The following PPP2R5C variants were observed in gnomAD, a reference collection of about 807,000 sequenced individuals.
PPP2R5C encodes protein phosphatase 2 regulatory subunit B'gamma, also known as serine/threonine-protein phosphatase 2A 56 kDa regulatory subunit gamma isoform.
Under a neutral mutation model 68.9 loss-of-function variants are expected in PPP2R5C, and 7 were observed. That is an observed-to-expected ratio of 0.10 (90% CI 0.06 to 0.19). PPP2R5C has a LOEUF of 0.19. Ranked by LOEUF, PPP2R5C falls within the 10% of genes least tolerant of loss-of-function variation. The pLI, the probability that PPP2R5C is intolerant of heterozygous loss-of-function variation, is 1.00. For missense variants in PPP2R5C, 348 were observed against 641.3 expected (o/e 0.54, Z 4.94); for synonymous variants, 210 against 222.2 (o/e 0.95, Z 0.49).
chr14:101,907,840 G>A (rs1009520346), intron 10 of PPP2R5C, among the ~76,000 whole-genome samples: 3 of 152,218 alleles, frequency 2.0e-5, no homozygotes, highest in Admixed American at 6.5e-5. Flanking sequence ...GCTGCAGGTG[G>A]CACTGCCTCC....
At chr14:101,884,524 G>T (rs2044362694) in intron 5 of PPP2R5C, among the ~76,000 whole-genome samples, 1 of 152,236 alleles carries the variant, frequency 6.6e-6, no homozygotes, top group African/African-American at 2.4e-5. Context: ...GAAAGCCTGA[G>T]ATCTGTGCAC....
Position 101,915,223 on chromosome 14 carries a change from A to G in PPP2R5C, c.1327-2608A>G, listed in dbSNP as rs1039480400. ...AGCCTCCCAAGTATGCTGGGACTACAGGTGCACGCCACCATGCCTGGCTAA... is the reference window on the plus strand; with the variant it reads ...AGCCTCCCAAGTATGCTGGGACTACGGGTGCACGCCACCATGCCTGGCTAA... On this transcript the variant is annotated intron_variant, in intron 12 of 13. Transcript: ENST00000334743. This position sits in a 1 kb window ranked among gnomAD's most constrained non-coding sequence, Gnocchi z 4.2. Among the ~76,000 whole-genome samples the G allele has an allele frequency of 6.6e-6, 1 of 152,146 alleles. No homozygotes were observed. Among genetic ancestry groups the G allele is most frequent in the Non-Finnish European group, 1.5e-5 (1 of 68,018 alleles).
At chr14:101,868,510 G>T (rs1436623159) in intron 2 of PPP2R5C, among the ~76,000 whole-genome samples, 1 of 152,094 alleles carries the variant, frequency 6.6e-6, no homozygotes, top group African/African-American at 2.4e-5. Flanking sequence ...AGAAACTTTT[G>T]GGATGATGAG....
chr14:101,805,751 A>G (rs1441665192), upstream of PPP2R5C, among the ~76,000 whole-genome samples: 3 of 152,258 alleles, frequency 2.0e-5, no homozygotes, highest in Non-Finnish European at 4.4e-5. Flanking sequence ...GGCACTTGCT[A>G]CAACATGGAT....
chr14:101,867,190 C>A (rs941950944), intron 2 of PPP2R5C, among the ~76,000 whole-genome samples: 4 of 151,486 alleles, frequency 2.6e-5, no homozygotes, highest in African/African-American at 9.7e-5. Context: ...GTACTCCAGC[C>A]TGGGCGACAG....
intron 2 of PPP2R5C, chr14:101,765,493 C>G: frequency 2.0e-6 from 1 of 507,248 alleles, no homozygotes; most frequent in South Asian, 2.7e-5. Flanking sequence ...TCCTCTCTCT[C>G]AGTATTACTC....
chr14:101,902,412 T>A (rs2045741288), intron 9 of PPP2R5C, among the ~76,000 whole-genome samples: 1 of 152,174 alleles, frequency 6.6e-6, no homozygotes, highest in African/African-American at 2.4e-5. Context: ...TCCTTAACCC[T>A]TCAAGCCAGC....
At chr14:101,895,725 A>G (rs28889341) in intron 8 of PPP2R5C, among the ~76,000 whole-genome samples, 4,645 of 152,162 alleles carry the variant, frequency 0.031, 146 homozygotes, top group East Asian at 0.098. Context: ...TTCAGTGTAC[A>G]CCTGGGTTGT....
At chr14:101,830,652 A>G (rs566878876) in intron 1 of PPP2R5C, among the ~76,000 whole-genome samples, 9 of 152,350 alleles carry the variant, frequency 5.9e-5, no homozygotes, top group African/African-American at 2.2e-4. Context: ...AGTGGTACTT[A>G]GTTACAATTA....
At chr14:101,860,265 G>C (rs1403130786) in intron 2 of PPP2R5C, among the ~76,000 whole-genome samples, 1 of 152,086 alleles carries the variant, frequency 6.6e-6, no homozygotes, top group Non-Finnish European at 1.5e-5. Context: ...GGATTTGCCT[G>C]TTGTGGACAT....
intron 8 of PPP2R5C, among the ~76,000 whole-genome samples, chr14:101,897,258 TTAGG>T (rs1263157522): frequency 6.6e-6 from 1 of 152,166 alleles, no homozygotes; most frequent in Non-Finnish European, 1.5e-5. Context: ...GAAGACATGT[TTAGG>T]TAGGAAAAAG....
intron 2 of PPP2R5C, among the ~76,000 whole-genome samples, chr14:101,875,313 T>C (rs1677999): frequency 0.37 from 56,923 of 152,046 alleles, 13,389 homozygotes; most frequent in African/African-American, 0.66. Context: ...AGCAGGAAGA[T>C]ATTAAACCAA....
In PPP2R5C at chr14:101,914,591, G is replaced by A. The variant is rs144251391; in HGVS notation, c.1326+2118G>A. 6 of 172,104 alleles carry A rather than the reference G, an allele frequency of 3.5e-5. No homozygotes were observed. The South Asian group carries it at 5.2e-4, about 15-fold the overall frequency. The allele number at this position is 172,104 out of a possible 1,614,324, so 10.7% of individuals were successfully genotyped here. A position where few individuals can be genotyped will look rare whatever the true frequency, so the allele number is the denominator to read the frequency against. On this transcript the variant is annotated intron_variant, in intron 12 of 13. Coordinates refer to ENST00000334743, the Ensembl canonical transcript of PPP2R5C. ...TTTTAAGGTGGGTTCCCAGGGACTC[G>A]CTGTGTGTTCCCTGATGCCCCCCGT... is the stretch of plus-strand genomic sequence containing the variant.
At chr14:101,924,847 G>C (rs1309190144) in intron 13 of PPP2R5C, among the ~76,000 whole-genome samples, 1 of 152,172 alleles carries the variant, frequency 6.6e-6, no homozygotes, top group Non-Finnish European at 1.5e-5. Context: ...TAAAATGCAT[G>C]AATTCTGCAA....
chr14:101,855,024 G>T (rs936408119), intron 1 of PPP2R5C, among the ~76,000 whole-genome samples: 1 of 152,038 alleles, frequency 6.6e-6, no homozygotes, highest in African/African-American at 2.4e-5. Flanking sequence ...ACGAAAATTA[G>T]CTGGGTGTGG....
intron 5 of PPP2R5C, 49 bp downstream of exon 7, chr14:101,883,611 T>G (rs1461465222): frequency 5.0e-6 from 8 of 1,595,204 alleles, no homozygotes; most frequent in Non-Finnish European, 5.1e-6. Flanking sequence ...GATGCTCATT[T>G]CCCCCCTCGA....
At chr14:101,786,044 T>C in exon 3 of PPP2R5C, 2 of 1,534,336 alleles carry the variant, frequency 1.3e-6, no homozygotes, top group Non-Finnish European at 1.7e-6. Flanking sequence ...AAAACAGCCT[T>C]GTTGCTGTCC....
At chr14:101,851,254 G>T (rs1409612428) in intron 1 of PPP2R5C, among the ~76,000 whole-genome samples, 2 of 152,134 alleles carry the variant, frequency 1.3e-5, no homozygotes, top group African/African-American at 4.8e-5. Flanking sequence ...CCAACATAGT[G>T]AGATTGTGTC....
rs1261583840 is a variant in PPP2R5C, at chr14:101,852,038, C to T, written c.95-4648C>T. On this transcript the variant is annotated intron_variant, in intron 1 of 13. Transcript: ENST00000334743. The stretch of plus-strand genomic sequence containing the variant: ...GACTCATTTACAAAAGCCTTCACTG[C>T]CCAGTAGTGGTCTCCAAACTCTTCT... Among the ~76,000 whole-genome samples, 3 of 152,184 alleles carry T rather than the reference C, an allele frequency of 2.0e-5. No homozygotes were observed. In the East Asian group the frequency reaches 5.8e-4, roughly 29 times the overall value.
Sources: allele counts gnomAD v4.1 joint callset (sites outside exome capture counted in the v4.1 genomes callset), GRCh38; gene constraint gnomAD v4.1.1; non-coding constraint Gnocchi (gnomAD v3.1); transcripts MANE v1.5; gene names NCBI Gene and HGNC (gene_info 2026-07-23, HGNC 2026-07-21).